Variants in PASD1 observed in about 807,000 individuals in gnomAD.
PASD1 encodes circadian clock protein PASD1.
PASD1 carries 13 observed loss-of-function variants against 58.8 expected under a neutral mutation model. The ratio of observed to expected loss-of-function variants is 0.22; its 90% CI spans 0.14 to 0.35. The LOEUF is 0.35. Among genes scored for constraint, PASD1 ranks in the 10% least tolerant of loss-of-function variants. The probability of loss-of-function intolerance (pLI) is 1.00; values close to 1 mark genes in which losing one functional copy is unlikely to be tolerated. For missense variants in PASD1, 734 were observed against 568.3 expected (o/e 1.29, Z -2.96); for synonymous variants, 236 against 216.7 (o/e 1.09, Z -0.78).
intron 8 of PASD1, among the ~76,000 whole-genome samples, chrX:151,631,152 C>A (rs111898837): frequency 8.9e-6 from 1 of 112,028 alleles, no homozygotes; most frequent in African/African-American, 3.2e-5. Flanking sequence ...GCAATTTGTT[C>A]TTTATACTTC....
chrX:151,645,729 T>G (rs1219968725), intron 8 of PASD1: 1 of 111,805 alleles, frequency 8.9e-6, no homozygotes, highest in East Asian at 2.8e-4. Context: ...TTGTATCTGT[T>G]CCTAACCAAA....
chrX:151,581,564 G>C (rs1380518157), intron 1 of PASD1, among the ~76,000 whole-genome samples: 1 of 111,187 alleles, frequency 9.0e-6, no homozygotes, highest in Admixed American at 9.6e-5. Flanking sequence ...ACTCCAGCCT[G>C]AGTGACAAAG....
In PASD1 at chrX:151,672,217, A is replaced by AGCAGCAGCG. The variant is rs772758090; in HGVS notation, c.1478_1486dup (p.Gln493_Gln495dup). 9 of 1,137,694 alleles carry AGCAGCAGCG rather than the reference A, an allele frequency of 7.9e-6. No homozygotes were observed. The South Asian group carries it at 1.6e-4, about 20-fold the overall frequency. The allele number at this position is 1,137,694 out of a possible 1,213,427, so 93.8% of individuals were successfully genotyped here. ...GTGCAGCAAGAACAACACCTGAAGG[A>AGCAGCAGCG]GCAGCAGCGGCAGCTGCGGGAGCAG... On this transcript the variant is annotated inframe_insertion, in exon 14 of 16. Coordinates refer to ENST00000370357, the MANE Select transcript of PASD1 (RefSeq NM_173493.3).
At chrX:151,673,739 G>A (rs902341233) in intron 14 of PASD1, 189 bp from the exon 15 acceptor site, 12 of 473,384 alleles carry the variant, frequency 2.5e-5, no homozygotes, top group East Asian at 2.5e-4. Flanking sequence ...ATTTCTCTCA[G>A]TGTCTACATT....
intron 11 of PASD1, among the ~76,000 whole-genome samples, chrX:151,666,608 C>T (rs1388072128): frequency 1.0e-5 from 1 of 95,599 alleles, no homozygotes; most frequent in Non-Finnish European, 2.1e-5. Context: ...TTGTTCAATT[C>T]CCACCTATGA....
At position 151,603,869 on chromosome X, in the gene PASD1, C is replaced by A. The variant is rs779755301; in HGVS notation, c.29-777C>A. On this transcript the variant is annotated intron_variant, in intron 2 of 15. Coordinates refer to ENST00000370357, the MANE Select transcript of PASD1 (RefSeq NM_173493.3). The stretch of plus-strand genomic sequence containing the variant: ...ACATTATCCTTGTCATAGGATTTTA[C>A]ATTTTTAATAGAGATCAAAGTTGTA... 6.3e-5 allele frequency among the ~76,000 whole-genome samples: 7 copies of A among 111,960 alleles called. No homozygotes were observed. The South Asian group carries it at 2.6e-3, about 42-fold the overall frequency.
At chrX:151,576,677 A>G (rs564654857) in intron 1 of PASD1, among the ~76,000 whole-genome samples, 7 of 110,585 alleles carry the variant, frequency 6.3e-5, no homozygotes, top group Middle Eastern at 4.7e-3. Flanking sequence ...GTGTGTGTGT[A>G]TGTGTGTGTG....
intron 1 of PASD1, among the ~76,000 whole-genome samples, chrX:151,585,998 G>C (rs1160547408): frequency 9.0e-6 from 1 of 111,668 alleles, no homozygotes; most frequent in Non-Finnish European, 1.9e-5. Context: ...AGGGATTCTG[G>C]AGGAAAGGGT....
rs181234241 is a variant in PASD1 at position 151,676,094 on chromosome X, A to G, written c.2273A>G (p.Gln758Arg). The G allele has an allele frequency of 2.2e-5, 27 of 1,209,304 alleles. 1 individual carries two copies. The highest frequency in any genetic ancestry group is 2.2e-4 in the Admixed American group (10 of 45,724). Residue 758 changes from glutamine to arginine, a missense_variant, in exon 16 of 16, where the codon CAG (glutamine) becomes CGG (arginine). Gln to Arg is a conservative substitution (Grantham distance 43). Transcript: ENST00000370357. ...YQPDQMRSAEQTRLMPAEQRD... is the reference protein window; with the variant it reads ...YQPDQMRSAERTRLMPAEQRD... The stretch of plus-strand genomic sequence containing the variant: ...CCAGACCAGATGAGATCTGCGGAGC[A>G]GACCAGATTGATGCCTGCAGAGCAA...
intron 9 of PASD1, among the ~76,000 whole-genome samples, chrX:151,653,168 A>ATG (rs1230897746): frequency 2.0e-4 from 21 of 103,106 alleles, no homozygotes; most frequent in Admixed American, 9.5e-4. Flanking sequence ...GAAAATATAT[A>ATG]TGTGTGTGTG....
At chrX:151,655,057 A>T (rs898382511) in intron 9 of PASD1, among the ~76,000 whole-genome samples, 10 of 109,103 alleles carry the variant, frequency 9.2e-5, no homozygotes, top group Non-Finnish European at 1.9e-4. Flanking sequence ...CCTGTGTCCA[A>T]GTGTTCTCAT....
intron 1 of PASD1, among the ~76,000 whole-genome samples, chrX:151,575,435 G>A (rs1317804406): frequency 9.0e-6 from 1 of 111,101 alleles, no homozygotes; most frequent in African/African-American, 3.3e-5. Flanking sequence ...TTTCTAAGAT[G>A]ATCTGGATAG....
Position 151,611,740 on chromosome X carries a change from T to G in PASD1, c.194T>G (p.Leu65Arg). 1 of 1,203,182 alleles carries G rather than the reference T, an allele frequency of 8.3e-7. No individual in the cohort carries two copies. Among genetic ancestry groups the G allele is most frequent in the Non-Finnish European group, 1.1e-6 (1 of 889,274 alleles). Residue 65 changes from leucine to arginine, a missense_variant, in exon 4 of 16, where the codon CTT becomes CGT. By Grantham distance (102) the Leu-to-Arg change is moderately radical. Transcript: ENST00000370357. ...GTGGCTGAAAACATCTCTTCTCTTC[T>G]TGGACATTTACCAGTAAGTTCTTTC... is the stretch of plus-strand genomic sequence containing the variant. The part of the protein sequence containing the change: ...ICVAENISSL[L>R]GHLPAEIVGK...
rs184873203 is a variant in PASD1 at position 151,672,100 on chromosome X, A to G, written c.1438-83A>G. 2.4e-4 allele frequency: 259 copies of G among 1,100,592 alleles called. 2 individuals carry two copies. In the East Asian group the frequency reaches 8.3e-3, roughly 35 times the overall value. 90.7% of individuals were successfully genotyped at this position (1,100,592 alleles called of 1,213,427 possible). The stretch of plus-strand genomic sequence containing the variant: ...AACTGTTGTCACCTTTTGCTTTGCG[A>G]GAATTGAATGGGAGTGTTAAATAAG... On this transcript the variant is annotated intron_variant, in intron 13 of 15. Transcript: ENST00000370357.
In PASD1 at chrX:151,567,928, T is replaced by C. The variant is rs188694462; in HGVS notation, c.-28+4089T>C. Reference sequence around the variant, plus strand: ...GTAGAGATTGTAGGGTTTTGCTATGTTGTCCAGGCTGGTCTTGAGCTCCTG... The same window carrying C: ...GTAGAGATTGTAGGGTTTTGCTATGCTGTCCAGGCTGGTCTTGAGCTCCTG... On this transcript the variant is annotated intron_variant, in intron 1 of 15. Transcript: ENST00000370357. 9.8e-4 allele frequency among the ~76,000 whole-genome samples: 110 copies of C among 111,699 alleles called. 1 individual carries two copies. In the Admixed American group the frequency reaches 0.01, roughly 11 times the overall value.
Position 151,671,603 on chromosome X carries a change from A to G in PASD1, c.1261A>G (p.Ile421Val). The change falls in exon 13 of 16, where the codon ATT becomes GTT. Residue 421 changes from isoleucine to valine, a missense_variant. By Grantham distance (29) the Ile-to-Val change is conservative. Coordinates refer to ENST00000370357, the MANE Select transcript of PASD1 (RefSeq NM_173493.3). The part of the protein sequence containing the change: ...KQPNTLRHVV[I>V]PDLQSSEAVP... ...GCCAAACACATTACGCCACGTTGTC[A>G]TTCCTGATCTCCAATCTTCGGAGGC... 1 of 1,211,501 alleles carries G rather than the reference A, an allele frequency of 8.3e-7. No homozygotes were observed. The highest frequency in any genetic ancestry group is 1.1e-6 in the Non-Finnish European group (1 of 895,522).
chrX:151,585,630 A>C (rs1410568661), intron 1 of PASD1, among the ~76,000 whole-genome samples: 1 of 111,410 alleles, frequency 9.0e-6, no homozygotes, highest in African/African-American at 3.3e-5. Context: ...GGATCCAAGG[A>C]CAGACAGGCT....
chrX:151,568,689 G>A (rs941617807), intron 1 of PASD1, among the ~76,000 whole-genome samples: 2 of 111,794 alleles, frequency 1.8e-5, no homozygotes, highest in East Asian at 2.8e-4. Context: ...GAATACTACT[G>A]ATATTTAGGG....
At chrX:151,639,913 T>C (rs1233564970) in intron 8 of PASD1, among the ~76,000 whole-genome samples, 3 of 112,201 alleles carry the variant, frequency 2.7e-5, no homozygotes, top group African/African-American at 9.7e-5. Flanking sequence ...AAGGCCAAAC[T>C]TCAAATCATA....
Sources: gnomAD v4.1 joint callset for allele counts (sites outside exome capture counted in the v4.1 genomes callset) on GRCh38, gnomAD v4.1.1 for gene constraint, MANE v1.5 for transcripts, NCBI Gene and HGNC (gene_info 2026-07-23, HGNC 2026-07-21) for gene names.